CAMK4: variants seen among roughly 807,000 people sequenced by gnomAD.
CAMK4 encodes calcium/calmodulin-dependent protein kinase type IV.
CAMK4 carries 22 observed loss-of-function variants against 44.9 expected under a neutral mutation model. That is an observed-to-expected ratio of 0.49 (90% confidence interval 0.35 to 0.70). CAMK4 has a LOEUF of 0.70. Among genes scored for constraint, CAMK4 ranks in the 30% least tolerant of loss-of-function variants. The pLI is 0.01. For missense variants in CAMK4, 498 were observed against 586.8 expected, an observed-to-expected ratio of 0.85 and a Z score of 1.56; for synonymous variants, 218 against 215.4, an observed-to-expected ratio of 1.01 and a Z score of -0.11.
At chr5:111,434,942 A>T (rs975148157) in intron 5 of CAMK4, among the ~76,000 whole-genome samples, 2 of 152,218 alleles carry the variant, frequency 1.3e-5, no homozygotes, top group African/African-American at 4.8e-5. Flanking sequence ...CTCCTGAGAC[A>T]TTATCAATTA....
chr5:111,317,921 AAAAAAAAGG>A, intron 1 of CAMK4, among the ~76,000 whole-genome samples: 1 of 149,906 alleles, frequency 6.7e-6, no homozygotes, highest in East Asian at 1.9e-4. Flanking sequence ...AAAAAAAAAA[AAAAAAAAGG>A]AAAACAGGAT....
chr5:111,274,002 G>A (rs1198276592), intron 1 of CAMK4, among the ~76,000 whole-genome samples: 1 of 151,758 alleles, frequency 6.6e-6, no homozygotes, highest in Non-Finnish European at 1.5e-5. Flanking sequence ...TTACTTGATG[G>A]CATCTATGGA....
intron 1 of CAMK4, among the ~76,000 whole-genome samples, chr5:111,245,487 A>C (rs1749193397): frequency 6.6e-6 from 1 of 152,202 alleles, no homozygotes; most frequent in Non-Finnish European, 1.5e-5. Context: ...ATTTTCTGCC[A>C]TATCTTTTCT....
At chr5:111,277,358 G>A (rs767444594) in intron 1 of CAMK4, among the ~76,000 whole-genome samples, 1 of 152,186 alleles carries the variant, frequency 6.6e-6, no homozygotes, top group Non-Finnish European at 1.5e-5. Context: ...ATGTGGGCAT[G>A]TTATGTCATA....
At chr5:111,244,187 C>A (rs920608425) in intron 1 of CAMK4, among the ~76,000 whole-genome samples, 4 of 152,148 alleles carry the variant, frequency 2.6e-5, no homozygotes, top group African/African-American at 9.7e-5. Context: ...TTTCAGAATA[C>A]AAAATTCTGT....
At chr5:111,459,520 A>G (rs974305192) in intron 7 of CAMK4, among the ~76,000 whole-genome samples, 1 of 152,130 alleles carries the variant, frequency 6.6e-6, no homozygotes, top group African/African-American at 2.4e-5. Flanking sequence ...AACTGCCTAT[A>G]TACTCTATAC....
chr5:111,415,526 A>G (rs1454259766), intron 5 of CAMK4, among the ~76,000 whole-genome samples: 4 of 152,244 alleles, frequency 2.6e-5, no homozygotes, highest in African/African-American at 9.6e-5. Flanking sequence ...TAAGGTCTAC[A>G]GTAAAAATAT....
At chr5:111,470,801 G>A (rs1755037343) in intron 7 of CAMK4, among the ~76,000 whole-genome samples, 2 of 152,216 alleles carry the variant, frequency 1.3e-5, no homozygotes, top group South Asian at 2.1e-4. Flanking sequence ...ATGAGCATGA[G>A]CATTTTTGTG....
Position 111,482,788 on chromosome 5 carries a change from A to G in CAMK4, c.832A>G (p.Arg278Gly). Residue 278 changes from arginine (R) to glycine (G), a missense_variant, in exon 10 of 11, where the codon AGA becomes GGA. Transcript: ENST00000282356. The surrounding 1 kb of genome is among the most constrained non-coding windows in gnomAD (Gnocchi z 4.9). The stretch of plus-strand genomic sequence containing the variant: ...TTATGGTTCTTTATTATTTCAGGTC[A>G]GAAAATTAATTGTTTTGGATCCAAA... ...EVSLNAKDLV[R>G]KLIVLDPKKR... The G allele has an allele frequency of 6.2e-7, 1 of 1,604,488 alleles. No individual in the cohort carries two copies. Among genetic ancestry groups the G allele is most frequent in the Non-Finnish European group, 8.5e-7 (1 of 1,177,310 alleles).
At chr5:111,357,590 A>G (rs2112788962) in intron 2 of CAMK4, among the ~76,000 whole-genome samples, 1 of 152,246 alleles carries the variant, frequency 6.6e-6, no homozygotes, top group African/African-American at 2.4e-5. Flanking sequence ...AGATCAAGTC[A>G]TGGAACTCCA....
intron 4 of CAMK4, among the ~76,000 whole-genome samples, chr5:111,381,083 G>A (rs1257138746): frequency 6.6e-6 from 1 of 152,146 alleles, no homozygotes; most frequent in Non-Finnish European, 1.5e-5. Flanking sequence ...CAGCTGCTGT[G>A]TTGGAATAAG....
At chr5:111,356,402 A>G (rs1750356280) in intron 2 of CAMK4, among the ~76,000 whole-genome samples, 1 of 152,208 alleles carries the variant, frequency 6.6e-6, no homozygotes, top group African/African-American at 2.4e-5. Context: ...TCTGGATATT[A>G]GCCCTTTGTC....
At chr5:111,289,684 T>C (rs1444965540) in intron 1 of CAMK4, among the ~76,000 whole-genome samples, 1 of 152,204 alleles carries the variant, frequency 6.6e-6, no homozygotes, top group African/African-American at 2.4e-5. Flanking sequence ...TAGTTCCACA[T>C]CTTTATCCCC....
chr5:111,379,897 A>C (rs1042444578), intron 4 of CAMK4, among the ~76,000 whole-genome samples: 1 of 152,172 alleles, frequency 6.6e-6, no homozygotes, highest in Non-Finnish European at 1.5e-5. Flanking sequence ...TAGAATTTAA[A>C]TAGTAAATTA....
chr5:111,479,787 G>C (rs1755368242), intron 9 of CAMK4, among the ~76,000 whole-genome samples: 1 of 152,036 alleles, frequency 6.6e-6, no homozygotes, highest in Non-Finnish European at 1.5e-5. Context: ...CAGTGTGTGT[G>C]ATGTGTGATG....
intron 5 of CAMK4, among the ~76,000 whole-genome samples, chr5:111,402,897 C>A (rs1474861635): frequency 1.3e-5 from 2 of 152,200 alleles, no homozygotes; most frequent in Non-Finnish European, 2.9e-5. Flanking sequence ...CATTGGAATT[C>A]TCCAACTTCT....
At chr5:111,326,304 T>C (rs1212692968) in intron 1 of CAMK4, among the ~76,000 whole-genome samples, 1 of 151,926 alleles carries the variant, frequency 6.6e-6, no homozygotes, top group Non-Finnish European at 1.5e-5. Flanking sequence ...TGAAAAGATA[T>C]TATGAACAAA....
intron 1 of CAMK4, among the ~76,000 whole-genome samples, chr5:111,226,802 T>C (rs727922): frequency 0.22 from 33,448 of 152,162 alleles, 3,868 homozygotes; most frequent in Non-Finnish European, 0.26. Context: ...TATCCTACCA[T>C]GTATAGTTCA....
Position 111,328,445 on chromosome 5 carries a change from G to A in CAMK4, c.162-15579G>A, listed in dbSNP as rs1393881173. 2.0e-5 allele frequency among the ~76,000 whole-genome samples: 3 copies of A among 152,082 alleles called. No individual in the cohort carries two copies. The East Asian group carries it at 5.8e-4, about 29-fold the overall frequency. Reference sequence around the variant, plus strand: ...AGTGTAGTTTGAAGTCAGGTAGCGTGATGCCTCCAGCTTTGTTCTTTTGGC... The same window carrying A: ...AGTGTAGTTTGAAGTCAGGTAGCGTAATGCCTCCAGCTTTGTTCTTTTGGC... On this transcript the variant is annotated intron_variant, in intron 1 of 10. Transcript: ENST00000282356.
Sources: allele counts gnomAD v4.1 joint callset (sites outside exome capture counted in the v4.1 genomes callset), GRCh38; gene constraint gnomAD v4.1.1; non-coding constraint Gnocchi (gnomAD v3.1); transcripts MANE v1.5; gene names NCBI Gene and HGNC (gene_info 2026-07-23, HGNC 2026-07-21).